Variants in COL26A1 observed in about 807,000 individuals in gnomAD.
COL26A1 encodes collagen alpha-1(XXVI) chain.
A neutral mutation model predicts 59.3 loss-of-function variants in COL26A1; 41 were observed. The ratio of observed to expected loss-of-function variants is 0.69; its 90% CI spans 0.54 to 0.90. The LOEUF (loss-of-function observed/expected upper bound fraction) is 0.90, where lower values mean the gene tolerates loss of function less well. COL26A1 is among the 40% of genes least tolerant of loss of function. The pLI is 0.00. For missense variants in COL26A1, 612 were observed against 602.3 expected (o/e 1.02, Z -0.17); for synonymous variants, 266 against 256.0 (o/e 1.04, Z -0.37).
chr7:101,553,749 G>A (rs1176419389), intron 11 of COL26A1, among the ~76,000 whole-genome samples: 4 of 152,280 alleles, frequency 2.6e-5, no homozygotes, highest in Admixed American at 1.3e-4. Flanking sequence ...ATGGCGTCTC[G>A]GCATGGGCGT....
chr7:101,439,699 G>A (rs1793004599), intron 2 of COL26A1, among the ~76,000 whole-genome samples: 1 of 152,116 alleles, frequency 6.6e-6, no homozygotes, highest in Non-Finnish European at 1.5e-5. Context: ...TGGACTTGGT[G>A]ACCACTGGAA....
Position 101,448,858 on chromosome 7 carries a change from C to T in COL26A1, c.385+1071C>T, listed in dbSNP as rs1057419122. On this transcript the variant is annotated intron_variant, in intron 3 of 12. Transcript: ENST00000313669. ...ACCTTCGCTTTCTGACAAAATTCTT[C>T]TCTTCTCTGTCATCTTGTTACTTAC... Among the ~76,000 whole-genome samples the T allele has an allele frequency of 5.9e-5, 9 of 152,332 alleles. No individual in the cohort carries two copies. The East Asian group carries it at 1.7e-3, about 29-fold the overall frequency.
At chr7:101,541,518 T>G (rs563403923) in intron 5 of COL26A1, among the ~76,000 whole-genome samples, 1 of 151,482 alleles carries the variant, frequency 6.6e-6, no homozygotes, top group African/African-American at 2.4e-5. Context: ...CTTTTTTTTT[T>G]TTTTTTAATT....
At chr7:101,538,459 C>A (rs987443963) in intron 4 of COL26A1, among the ~76,000 whole-genome samples, 2 of 152,242 alleles carry the variant, frequency 1.3e-5, no homozygotes, top group African/African-American at 4.8e-5. Flanking sequence ...AAGTCACTTG[C>A]AGTCTCTGAG....
rs148568973 is a variant in COL26A1 at position 101,489,089 on chromosome 7, C to T, written c.385+41302C>T. Among the ~76,000 whole-genome samples, 9 of 152,312 alleles carry T rather than the reference C, an allele frequency of 5.9e-5. 1 individual carries two copies. In the East Asian group the frequency reaches 1.2e-3, roughly 20 times the overall value. On this transcript the variant is annotated intron_variant, in intron 3 of 12. Transcript: ENST00000313669. Reference sequence around the variant, plus strand: ...CCTTTGAACCGCCCATGGCATCTGTCTGCTTTGTTCCCTCTTTGATTAATG... The same window carrying T: ...CCTTTGAACCGCCCATGGCATCTGTTTGCTTTGTTCCCTCTTTGATTAATG...
rs541885175 is a variant in COL26A1, at chr7:101,389,675, C to T, written c.158+26485C>T. On this transcript the variant is annotated intron_variant, in intron 1 of 12. Coordinates refer to ENST00000313669, the MANE Select transcript of COL26A1 (RefSeq NM_001278563.3). ...GGTTCAAGAAATTCTCGTGCCTCAG[C>T]CTCTCGAGTAGCTGATTACAGGCAT... Among the ~76,000 whole-genome samples, 15 of 152,190 alleles carry T rather than the reference C, an allele frequency of 9.9e-5. No homozygotes were observed. In the South Asian group the frequency reaches 3.1e-3, roughly 32 times the overall value.
rs765873087 is a variant in COL26A1, at chr7:101,555,840, C to A, written c.1134C>A (p.Val378=). 7 of 1,611,662 alleles carry A rather than the reference C, an allele frequency of 4.3e-6. No homozygotes were observed. The highest frequency in any genetic ancestry group is 5.9e-6 in the Non-Finnish European group (7 of 1,179,264). Residue 378 remains valine (V), a synonymous_variant, in exon 12 of 13, where the codon GTC becomes GTA. Coordinates refer to ENST00000313669, the MANE Select transcript of COL26A1 (RefSeq NM_001278563.3). The stretch of plus-strand genomic sequence containing the variant: ...CCCTGAAGATCCTGGCAGAGCGAGT[C>A]CTCATCCTGGAGCACATGATTGGGA... ...REALKILAER[V]LILEHMIGIH...
chr7:101,423,220 C>T (rs1339865473), intron 2 of COL26A1, among the ~76,000 whole-genome samples: 4 of 151,954 alleles, frequency 2.6e-5, no homozygotes, highest in Admixed American at 6.6e-5. Context: ...GAGCCAAGAT[C>T]GTGCCACTGC....
chr7:101,473,852 C>G (rs1269961038), intron 3 of COL26A1, among the ~76,000 whole-genome samples: 1 of 122,264 alleles, frequency 8.2e-6, no homozygotes, highest in Non-Finnish European at 1.9e-5. Context: ...AACCCTGTCT[C>G]AAAGAAAAAA....
intron 3 of COL26A1, among the ~76,000 whole-genome samples, chr7:101,449,182 G>A (rs1294121961): frequency 6.6e-6 from 1 of 152,190 alleles, no homozygotes; most frequent in African/African-American, 2.4e-5. Flanking sequence ...CAAGGTGAAG[G>A]GGTGAGGGGA....
At chr7:101,380,640 C>T (rs1052014585) in intron 1 of COL26A1, among the ~76,000 whole-genome samples, 3 of 152,218 alleles carry the variant, frequency 2.0e-5, no homozygotes, top group East Asian at 1.9e-4. Context: ...TCAGAACTGT[C>T]TCTTGGGGTC....
At chr7:101,387,829 G>T (rs1299139581) in intron 1 of COL26A1, among the ~76,000 whole-genome samples, 1 of 142,568 alleles carries the variant, frequency 7.0e-6, no homozygotes, top group East Asian at 2.1e-4. Context: ...GAGTGCAGTG[G>T]TGCAATCTCG....
At chr7:101,451,186 AT>A (rs1793329369) in intron 3 of COL26A1, among the ~76,000 whole-genome samples, 1 of 143,280 alleles carries the variant, frequency 7.0e-6, no homozygotes, top group Non-Finnish European at 1.5e-5. Flanking sequence ...ATATATCTCA[AT>A]AATTAATATA....
intron 4 of COL26A1, among the ~76,000 whole-genome samples, chr7:101,537,450 C>T (rs137941177): frequency 6.6e-6 from 1 of 152,352 alleles, no homozygotes; most frequent in East Asian, 1.9e-4. Context: ...AAGGCCGTGG[C>T]CTGGTTTTCT....
At chr7:101,436,713 C>A (rs1387728768) in intron 2 of COL26A1, among the ~76,000 whole-genome samples, 1 of 146,162 alleles carries the variant, frequency 6.8e-6, no homozygotes, top group Non-Finnish European at 1.5e-5. Context: ...TCCCCACCAG[C>A]ATTTCATTTT....
intron 2 of COL26A1, among the ~76,000 whole-genome samples, chr7:101,437,840 A>G (rs1440062945): frequency 2.6e-5 from 4 of 151,570 alleles, no homozygotes; most frequent in African/African-American, 9.7e-5. Flanking sequence ...CCTCCCAAGT[A>G]CGTGGGGACT....
At chr7:101,486,276 C>T (rs1481070328) in intron 3 of COL26A1, among the ~76,000 whole-genome samples, 4 of 138,488 alleles carry the variant, frequency 2.9e-5, no homozygotes, top group Non-Finnish European at 3.3e-5. Flanking sequence ...GAACAGACAG[C>T]GATCTTCAGT....
intron 3 of COL26A1, among the ~76,000 whole-genome samples, chr7:101,465,106 T>C (rs1322590256): frequency 6.6e-6 from 1 of 150,636 alleles, no homozygotes; most frequent in African/African-American, 2.4e-5. Flanking sequence ...AGTGCGACGA[T>C]AGCTCACTGC....
At chr7:101,363,630 T>G (rs10248094) in intron 1 of COL26A1, among the ~76,000 whole-genome samples, 1 of 137,416 alleles carries the variant, frequency 7.3e-6, no homozygotes, top group African/African-American at 3.0e-5. Context: ...GGCTGCGGGG[T>G]TGCGGGGGCT....
Sources: allele counts gnomAD v4.1 joint callset (sites outside exome capture counted in the v4.1 genomes callset), GRCh38; gene constraint gnomAD v4.1.1; transcripts MANE v1.5; gene names NCBI Gene and HGNC (gene_info 2026-07-23, HGNC 2026-07-21).